Variants in FGF14 observed in about 807,000 individuals in gnomAD.
The protein encoded by FGF14 is fibroblast growth factor 14.
In FGF14, 5 loss-of-function variants were observed where a neutral mutation model predicts 25.5. That is an observed-to-expected ratio of 0.20 (90% confidence interval 0.10 to 0.41). The LOEUF (loss-of-function observed/expected upper bound fraction) is 0.41. Among genes scored for constraint, FGF14 ranks in the 10% least tolerant of loss-of-function variants. The pLI is 1.00. For missense variants in FGF14, 222 were observed against 320.1 expected (o/e 0.69, Z 2.34); for synonymous variants, 138 against 118.3 (o/e 1.17, Z -1.08).
At chr13:101,852,687 G>T (rs923570639) in intron 3 of FGF14, among the ~76,000 whole-genome samples, 1 of 152,006 alleles carries the variant, frequency 6.6e-6, no homozygotes, top group Admixed American at 6.6e-5. Flanking sequence ...CACATAAGAA[G>T]AATACTTGAT....
intron 3 of FGF14, among the ~76,000 whole-genome samples, chr13:101,850,897 T>C (rs1297332892): frequency 6.6e-6 from 1 of 151,734 alleles, no homozygotes; most frequent in Non-Finnish European, 1.5e-5. Flanking sequence ...TTTCAACATG[T>C]TTTTGAGTCT....
chr13:102,257,483 T>A (rs2052505833), intron 1 of FGF14, among the ~76,000 whole-genome samples: 1 of 150,758 alleles, frequency 6.6e-6, no homozygotes, highest in Admixed American at 6.6e-5. Context: ...GCCTGAGTAG[T>A]TGGGACTATA....
At chr13:102,240,350 C>T (rs966635772) in intron 1 of FGF14, among the ~76,000 whole-genome samples, 3 of 152,118 alleles carry the variant, frequency 2.0e-5, no homozygotes, top group East Asian at 1.9e-4. Flanking sequence ...ATGCTTTCCC[C>T]GGCTCACACA....
At chr13:102,125,782 G>A (rs925552673) in intron 1 of FGF14, among the ~76,000 whole-genome samples, 13 of 152,086 alleles carry the variant, frequency 8.5e-5, no homozygotes, top group Non-Finnish European at 1.3e-4. Context: ...GTGTCATGGT[G>A]TAAAACACAC....
chr13:102,315,896 A>G (rs2055997505), intron 1 of FGF14, among the ~76,000 whole-genome samples: 1 of 152,162 alleles, frequency 6.6e-6, no homozygotes, highest in African/African-American at 2.4e-5. Flanking sequence ...TTTAAAAAAA[A>G]CCTGTTGTAT....
intron 1 of FGF14, among the ~76,000 whole-genome samples, chr13:101,940,094 A>G (rs1346122832): frequency 6.6e-6 from 1 of 152,218 alleles, no homozygotes; most frequent in Non-Finnish European, 1.5e-5. Context: ...GCAAAAGAGG[A>G]CTTATCTTGA....
At chr13:101,729,152 A>G (rs748191795) in intron 3 of FGF14, among the ~76,000 whole-genome samples, 2 of 152,070 alleles carry the variant, frequency 1.3e-5, no homozygotes, top group Non-Finnish European at 2.9e-5. Context: ...CTTCACAGAT[A>G]GGTGATTCTT....
intron 3 of FGF14, among the ~76,000 whole-genome samples, chr13:101,788,157 C>T (rs2039962343): frequency 6.6e-6 from 1 of 152,098 alleles, no homozygotes; most frequent in Non-Finnish European, 1.5e-5. Flanking sequence ...CAGGCGTGAG[C>T]CACCACCCCT....
At chr13:101,733,007 T>C (rs79301017) in intron 3 of FGF14, among the ~76,000 whole-genome samples, 2,782 of 152,292 alleles carry the variant, frequency 0.018, 88 homozygotes, top group African/African-American at 0.064. Context: ...AATGCTACTA[T>C]TCTGACACTA....
chr13:102,219,601 C>A (rs914582008), intron 1 of FGF14, among the ~76,000 whole-genome samples: 4 of 152,136 alleles, frequency 2.6e-5, no homozygotes, highest in Non-Finnish European at 5.9e-5. Context: ...TTAACTTCCT[C>A]CTGAAATTGG....
chr13:102,058,182 T>C (rs534720213), intron 1 of FGF14, among the ~76,000 whole-genome samples: 2 of 152,322 alleles, frequency 1.3e-5, no homozygotes, highest in African/African-American at 4.8e-5. Context: ...CTCCTGCTTA[T>C]ATGGATGTGA....
At chr13:102,263,601 A>T (rs919765258) in intron 1 of FGF14, among the ~76,000 whole-genome samples, 1 of 152,208 alleles carries the variant, frequency 6.6e-6, no homozygotes, top group Non-Finnish European at 1.5e-5. Flanking sequence ...AGAATTACTA[A>T]TTTAGGCTCT....
At chr13:102,235,638 A>G (rs2051294793) in intron 1 of FGF14, among the ~76,000 whole-genome samples, 1 of 152,178 alleles carries the variant, frequency 6.6e-6, no homozygotes, top group Non-Finnish European at 1.5e-5. Flanking sequence ...TTATTTTTTA[A>G]TCCCTTATTT....
At chr13:102,365,329 A>C (rs1020617523) in intron 1 of FGF14, among the ~76,000 whole-genome samples, 19 of 152,142 alleles carry the variant, frequency 1.2e-4, no homozygotes, top group African/African-American at 1.9e-4. Flanking sequence ...ATGGAAATGG[A>C]AAGATCTGAA....
chr13:102,095,712 G>A (rs535506106), intron 1 of FGF14, among the ~76,000 whole-genome samples: 4 of 152,024 alleles, frequency 2.6e-5, no homozygotes. Flanking sequence ...ACTTAATGAA[G>A]AGCAAGTATG....
intron 3 of FGF14, among the ~76,000 whole-genome samples, chr13:101,783,947 C>T (rs1159868152): frequency 6.6e-6 from 1 of 152,088 alleles, no homozygotes; most frequent in Non-Finnish European, 1.5e-5. Context: ...GAATCCTTTC[C>T]CCATTGCTTT....
intron 1 of FGF14, among the ~76,000 whole-genome samples, chr13:101,916,014 C>T (rs1382033248): frequency 6.6e-6 from 1 of 152,202 alleles, no homozygotes; most frequent in African/African-American, 2.4e-5. Context: ...TCTAGGAGAC[C>T]CCAGAGACCA....
chr13:102,029,620 A>C (rs2139925151), intron 1 of FGF14, among the ~76,000 whole-genome samples: 1 of 152,266 alleles, frequency 6.6e-6, no homozygotes, highest in South Asian at 2.1e-4. Context: ...AACTTAGCCC[A>C]AAGCAGAAGC....
chr13:101,737,045 T>TTTTTTTTTTTTTTTTTTTTGAGACGG, intron 3 of FGF14, among the ~76,000 whole-genome samples: 1 of 139,784 alleles, frequency 7.2e-6, no homozygotes, highest in Non-Finnish European at 1.6e-5. Flanking sequence ...TTCATTATTT[T>TTTTTTTTTTTTTTTTTTTTGAGACGG]AGCCTTATGT....
Sources: gnomAD v4.1 joint callset for allele counts (sites outside exome capture counted in the v4.1 genomes callset) on GRCh38, gnomAD v4.1.1 for gene constraint, MANE v1.5 for transcripts, NCBI Gene and HGNC (gene_info 2026-07-23, HGNC 2026-07-21) for gene names.